Variants in MBNL2 observed in about 807,000 individuals in gnomAD.
MBNL2 encodes the protein muscleblind like splicing regulator 2.
In MBNL2, 17 loss-of-function variants were observed where a neutral mutation model predicts 41.9. The ratio of observed to expected loss-of-function variants is 0.41; its 90% confidence interval spans 0.28 to 0.61. The LOEUF (loss-of-function observed/expected upper bound fraction) is 0.61. Among genes scored for constraint, MBNL2 ranks in the 20% least tolerant of loss-of-function variants. MBNL2 has a pLI of 0.35. For missense variants in MBNL2, 336 were observed against 505.6 expected (o/e 0.66, Z 3.22); for synonymous variants, 195 against 182.9 (o/e 1.07, Z -0.53).
intron 1 of MBNL2, among the ~76,000 whole-genome samples, chr13:97,272,625 G>T (rs2051293540): frequency 6.6e-6 from 1 of 152,070 alleles, no homozygotes; most frequent in Non-Finnish European, 1.5e-5. Flanking sequence ...TTTGTATAAG[G>T]TGTAAGGCAG....
the MBNL2 span, among the ~76,000 whole-genome samples, chr13:97,152,953 T>C: frequency 6.6e-6 from 1 of 152,128 alleles, no homozygotes; most frequent in Middle Eastern, 3.4e-3. Context: ...TAACTCTAGA[T>C]TGGAGCAGGA....
intron 5 of MBNL2, among the ~76,000 whole-genome samples, chr13:97,347,919 T>C (rs1254157646): frequency 4.6e-5 from 7 of 152,192 alleles, no homozygotes; most frequent in Admixed American, 4.6e-4. Flanking sequence ...GTGTTTTGTA[T>C]GCACATTAAC....
chr13:97,209,391 G>A, the MBNL2 span, among the ~76,000 whole-genome samples: 1 of 152,140 alleles, frequency 6.6e-6, no homozygotes, highest in African/African-American at 2.4e-5. Flanking sequence ...TAGAGACCCA[G>A]GATTAAGTCT....
At chr13:97,356,041 AGAT>A (rs1385068448) in intron 5 of MBNL2, among the ~76,000 whole-genome samples, 1 of 152,248 alleles carries the variant, frequency 6.6e-6, no homozygotes, top group Non-Finnish European at 1.5e-5. Context: ...GTTAGAAACA[AGAT>A]GATGGAATAC....
At chr13:97,217,638 C>T (rs1160622134), upstream of MBNL2, among the ~76,000 whole-genome samples, 1 of 151,956 alleles carries the variant, frequency 6.6e-6, no homozygotes, top group Non-Finnish European at 1.5e-5. Context: ...TTTAATAATA[C>T]TGGATGTAAA....
intron 1 of MBNL2, among the ~76,000 whole-genome samples, chr13:97,274,797 A>T (rs969623087): frequency 6.6e-6 from 1 of 152,210 alleles, no homozygotes; most frequent in Non-Finnish European, 1.5e-5. Flanking sequence ...CTTATTTTAG[A>T]CATCTGAACT....
chr13:97,253,765 A>T (rs970759513), intron 1 of MBNL2, among the ~76,000 whole-genome samples: 14 of 131,994 alleles, frequency 1.1e-4, no homozygotes, highest in Non-Finnish European at 1.8e-4. Context: ...AATACGTATT[A>T]ATTTATTAAT....
At chr13:97,262,155 C>T (rs887026627) in intron 1 of MBNL2, among the ~76,000 whole-genome samples, 14 of 152,230 alleles carry the variant, frequency 9.2e-5, no homozygotes, top group African/African-American at 3.4e-4. Flanking sequence ...GCATCTCTGA[C>T]TTCAGAGCAG....
the MBNL2 span, among the ~76,000 whole-genome samples, chr13:97,192,376 G>A: frequency 1.3e-5 from 2 of 152,208 alleles, no homozygotes; most frequent in Non-Finnish European, 2.9e-5. Context: ...ATCAGACCTG[G>A]TCCACCTGGC....
At chr13:97,205,690 G>A in the MBNL2 span, among the ~76,000 whole-genome samples, 1 of 152,128 alleles carries the variant, frequency 6.6e-6, no homozygotes, top group Non-Finnish European at 1.5e-5. Flanking sequence ...GTTGGATGTA[G>A]AATTAAGTAA....
chr13:97,263,987 T>C (rs934139104), intron 1 of MBNL2, among the ~76,000 whole-genome samples: 1 of 150,974 alleles, frequency 6.6e-6, no homozygotes, highest in African/African-American at 2.4e-5. Flanking sequence ...AACAACTGTG[T>C]AAACTGAGAG....
chr13:97,244,396 G>A (rs1594084870), intron 1 of MBNL2, among the ~76,000 whole-genome samples: 1 of 152,194 alleles, frequency 6.6e-6, no homozygotes, highest in East Asian at 1.9e-4. Context: ...TAACACTGCT[G>A]AATAGATCAA....
chr13:97,170,705 G>GA, the MBNL2 span, among the ~76,000 whole-genome samples: 1 of 152,022 alleles, frequency 6.6e-6, no homozygotes, highest in Non-Finnish European at 1.5e-5. Context: ...AAAAATCTGA[G>GA]AAAAAAATTC....
the MBNL2 span, among the ~76,000 whole-genome samples, chr13:97,206,211 C>T: frequency 3.4e-4 from 52 of 152,156 alleles, 1 homozygote; most frequent in African/African-American, 2.4e-5. Flanking sequence ...GTGATTTCTA[C>T]AGTTCTGATC....
chr13:97,204,385 T>C, the MBNL2 span, among the ~76,000 whole-genome samples: 1 of 152,194 alleles, frequency 6.6e-6, no homozygotes, highest in Non-Finnish European at 1.5e-5. Flanking sequence ...AAGGCTTATC[T>C]AAAATAACAA....
At chr13:97,188,478 T>C in the MBNL2 span, among the ~76,000 whole-genome samples, 1 of 152,132 alleles carries the variant, frequency 6.6e-6, no homozygotes, top group East Asian at 1.9e-4. Context: ...AAACCACACC[T>C]GCCGCACACA....
rs935664025 is a variant in MBNL2 at position 97,320,294 on chromosome 13, C to T, written c.175-13982C>T. Among the ~76,000 whole-genome samples, 4 of 147,810 alleles carry T rather than the reference C, an allele frequency of 2.7e-5. No individual in the cohort carries two copies. In the East Asian group the frequency reaches 8.2e-4, roughly 30 times the overall value. On this transcript the variant is annotated intron_variant, in intron 2 of 8. Transcript: ENST00000679496. ...TTTTTTTTTGAGACAGTCTCTCACT[C>T]TGTCACCCAGGCTGCAGTGCAATGG... is the stretch of plus-strand genomic sequence containing the variant.
At chr13:97,247,201 C>T (rs1267933641) in intron 1 of MBNL2, among the ~76,000 whole-genome samples, 5 of 152,196 alleles carry the variant, frequency 3.3e-5, no homozygotes, top group East Asian at 1.9e-4. Context: ...AAGAGAGCTT[C>T]GAGATTGTCT....
chr13:97,345,607 T>A (rs187106018), intron 4 of MBNL2, among the ~76,000 whole-genome samples: 69 of 152,316 alleles, frequency 4.5e-4, no homozygotes, highest in African/African-American at 1.6e-3. Context: ...TTGTCTTTTT[T>A]TTCTTTTCTG....
Sources: allele counts gnomAD v4.1 joint callset (sites outside exome capture counted in the v4.1 genomes callset), GRCh38; gene constraint gnomAD v4.1.1; transcripts MANE v1.5; gene names NCBI Gene and HGNC (gene_info 2026-07-23, HGNC 2026-07-21).